The following MYBPHL variants were observed in gnomAD, a reference collection of about 807,000 sequenced individuals.
MYBPHL encodes the protein myosin-binding protein H-like.
MYBPHL carries 32 observed loss-of-function variants against 39.5 expected under a neutral mutation model. The ratio of observed to expected loss-of-function variants is 0.81; its 90% CI spans 0.61 to 1.09. The LOEUF is 1.09. MYBPHL is among the 50% of genes least tolerant of loss of function. The pLI is 0.00. For synonymous variants in MYBPHL, 196 were observed against 183.7 expected (o/e 1.07, Z -0.54); for missense variants, 456 against 460.2 (o/e 0.99, Z 0.08).
At chr1:109,297,765 G>A (rs771030770) in intron 2 of MYBPHL, 148 bp from the exon 3 acceptor site, 5 of 678,608 alleles carry the variant, frequency 7.4e-6, no homozygotes, top group Non-Finnish European at 1.2e-5. Flanking sequence ...GACCCTCCCG[G>A]GGGCCTCCTC....
chr1:109,294,132 T>C, intron 8 of MYBPHL, 74 bp downstream of exon 8: 2 of 1,008,284 alleles, frequency 2.0e-6, no homozygotes. Context: ...GGAATGCACC[T>C]CTGTCCCTGA....
chr1:109,294,513 C>T (rs1050938227), intron 7 of MYBPHL, among the ~76,000 whole-genome samples: 16 of 151,988 alleles, frequency 1.1e-4, no homozygotes, highest in African/African-American at 3.6e-4. Context: ...ATGTCCCTAC[C>T]CTCAAAATGC....
chr1:109,298,249 T>C lies in MYBPHL; in HGVS notation c.154A>G (p.Lys52Glu), dbSNP rs1363898224. ...QLLPPIEEHP[K>E]IWLPRALRQT... The stretch of plus-strand genomic sequence containing the variant: ...CTCAGGGCCCGAGGTAGCCAGATCT[T>C]GGGGTGCTCTGAGTGATGGAAAGAG... The change falls in exon 2 of 9, where the codon AAG becomes GAG. Residue 52 changes from lysine (K) to glutamate (E), a missense_variant. Coordinates refer to ENST00000357155, the MANE Select transcript of MYBPHL (RefSeq NM_001010985.3). 2 of 1,610,244 alleles carry C rather than the reference T, an allele frequency of 1.2e-6. No homozygotes were observed. The highest frequency in any genetic ancestry group is 3.4e-5 in the Admixed American group (2 of 59,488).
intron 1 of MYBPHL, among the ~76,000 whole-genome samples, chr1:109,299,750 C>T (rs1006443631): frequency 6.6e-6 from 1 of 152,254 alleles, no homozygotes; most frequent in Admixed American, 6.5e-5. Context: ...TGCCCGTCCT[C>T]CCTGCCCTGC....
At chr1:109,304,915 T>A (rs940029907) in intron 1 of MYBPHL, among the ~76,000 whole-genome samples, 4 of 152,240 alleles carry the variant, frequency 2.6e-5, no homozygotes, top group African/African-American at 9.6e-5. Context: ...CCTGCTCTAG[T>A]TCCCATGTTT....
intron 1 of MYBPHL, among the ~76,000 whole-genome samples, chr1:109,300,382 G>A (rs985082537): frequency 1.7e-4 from 26 of 152,218 alleles, no homozygotes; most frequent in African/African-American, 5.8e-4. Context: ...CCCCTGGAGG[G>A]AGGAGGCCCA....
In MYBPHL at chr1:109,298,275, A is replaced by G; in HGVS notation, c.146-18T>C. The stretch of plus-strand genomic sequence containing the variant: ...GGGGTGCTCTGAGTGATGGAAAGAG[A>G]GAGAATAGGAGATGGATACTCAGAG... On this transcript the variant is annotated intron_variant, in intron 1 of 8. Transcript: ENST00000357155. 1 of 1,598,670 alleles carries G rather than the reference A, an allele frequency of 6.3e-7. No individual in the cohort carries two copies. Among genetic ancestry groups the G allele is most frequent in the African/African-American group, 1.3e-5 (1 of 74,326 alleles).
In MYBPHL at chr1:109,296,770, A is replaced by G. The variant is rs604349; in HGVS notation, c.730+13T>C. ...TAAGTCTTCCCAGCTCATGATCCCC[A>G]TGCCTCCCTTACCTGCTTTCTGGAT... On this transcript the variant is annotated intron_variant, in intron 5 of 8. Transcript: ENST00000357155. 1,420,696 of 1,613,766 alleles carry G rather than the reference A, an allele frequency of 0.88. 637,773 individuals are homozygous for G. The highest frequency in any genetic ancestry group is 0.96 in the East Asian group (43,231 of 44,866).
At chr1:109,293,498 C>G (rs926802610) in intron 8 of MYBPHL, among the ~76,000 whole-genome samples, 4 of 152,134 alleles carry the variant, frequency 2.6e-5, no homozygotes, top group Non-Finnish European at 5.9e-5. Flanking sequence ...AATCCCAGCA[C>G]TTTGGGAGGC....
chr1:109,297,316 A>G (rs1658112846), intron 3 of MYBPHL, 106 bp downstream of exon 3: 7 of 1,559,382 alleles, frequency 4.5e-6, no homozygotes, highest in Middle Eastern at 1.8e-4. Context: ...CCCAGACATG[A>G]CGTGGGAGCC....
intron 1 of MYBPHL, among the ~76,000 whole-genome samples, chr1:109,301,982 A>G (rs773152422): frequency 1.3e-5 from 2 of 152,158 alleles, no homozygotes; most frequent in African/African-American, 2.4e-5. Flanking sequence ...TGGAGAGCCA[A>G]GAACCAAGAT....
intron 7 of MYBPHL, 132 bp downstream of exon 7, chr1:109,294,979 G>T: frequency 1.4e-6 from 1 of 703,314 alleles, no homozygotes; most frequent in Non-Finnish European, 2.4e-6. Flanking sequence ...TCCTGATGAT[G>T]ACAGTGATGA....
rs898682752 is a variant in MYBPHL, at chr1:109,292,415, C to T, written c.*207G>A. On this transcript the variant is annotated 3_prime_UTR_variant, in exon 9 of 9. Coordinates refer to ENST00000357155, the MANE Select transcript of MYBPHL (RefSeq NM_001010985.3). ...GATGAATCCAAACCAGACATGGTGC[C>T]GAAGCTCCTTGAGGACACAGTCTCA... is the stretch of plus-strand genomic sequence containing the variant. 4 of 152,180 alleles carry T rather than the reference C, an allele frequency of 2.6e-5. No homozygotes were observed. Among genetic ancestry groups the T allele is most frequent in the South Asian group, 4.1e-4 (2 of 4,832 alleles). The allele number at this position is 152,180 out of a possible 1,614,324, so 9.4% of individuals were successfully genotyped here. A position where few individuals can be genotyped will look rare whatever the true frequency, so the allele number is the denominator to read the frequency against.
intron 1 of MYBPHL, among the ~76,000 whole-genome samples, chr1:109,300,173 G>A (rs1384024289): frequency 6.6e-6 from 1 of 152,212 alleles, no homozygotes; most frequent in Non-Finnish European, 1.5e-5. Context: ...GATGCTGGGA[G>A]CAAGAGGGCT....
At chr1:109,298,010 T>A (rs1286829446) in intron 2 of MYBPHL, among the ~76,000 whole-genome samples, 159 bp downstream of exon 2, 6 of 152,206 alleles carry the variant, frequency 3.9e-5, no homozygotes, top group Non-Finnish European at 8.8e-5. Flanking sequence ...CCTTCAGGAG[T>A]GCAGAGGTCA....
chr1:109,305,273 A>C (rs1658423890), intron 1 of MYBPHL, among the ~76,000 whole-genome samples: 1 of 152,246 alleles, frequency 6.6e-6, no homozygotes, highest in Non-Finnish European at 1.5e-5. Context: ...ATTTGAACTC[A>C]TGACTTCTTT....
intron 1 of MYBPHL, among the ~76,000 whole-genome samples, chr1:109,299,577 C>T (rs368891740): frequency 1.1e-4 from 17 of 152,330 alleles, no homozygotes; most frequent in South Asian, 6.2e-4. Flanking sequence ...CTCAAGGTCG[C>T]GAGACCTTTG....
chr1:109,294,224 C>G lies in MYBPHL; in HGVS notation c.*15G>C, dbSNP rs754834308. The G allele has an allele frequency of 8.1e-6, 13 of 1,604,810 alleles. No individual in the cohort carries two copies. Among genetic ancestry groups the G allele is most frequent in the Middle Eastern group, 1.7e-4 (1 of 6,042 alleles). On this transcript the variant is annotated 3_prime_UTR_variant, in exon 8 of 9. Coordinates refer to ENST00000357155, the MANE Select transcript of MYBPHL (RefSeq NM_001010985.3). ...TACTTACCTTTGTCAGAGTACCATGCCTTCTTAGGTGTCCTCAATTAGGAA... is the reference window on the plus strand; with the variant it reads ...TACTTACCTTTGTCAGAGTACCATGGCTTCTTAGGTGTCCTCAATTAGGAA...
At chr1:109,300,934 T>C (rs993972371) in intron 1 of MYBPHL, among the ~76,000 whole-genome samples, 2 of 152,150 alleles carry the variant, frequency 1.3e-5, no homozygotes, top group Non-Finnish European at 2.9e-5. Context: ...GGCTCCCGGC[T>C]CCCTGTGGGA....
Sources: gnomAD v4.1 joint callset for allele counts (sites outside exome capture counted in the v4.1 genomes callset) on GRCh38, gnomAD v4.1.1 for gene constraint, MANE v1.5 for transcripts, NCBI Gene and HGNC (gene_info 2026-07-23, HGNC 2026-07-21) for gene names.